The following LRMDA variants were observed in gnomAD, a reference collection of about 807,000 sequenced individuals.
LRMDA encodes leucine rich melanocyte differentiation associated.
Under a neutral mutation model 29.8 loss-of-function variants are expected in LRMDA, and 18 were observed. The observed-to-expected ratio is 0.60, with a 90% CI of 0.42 to 0.90. The LOEUF (loss-of-function observed/expected upper bound fraction) is 0.90, where lower values mean the gene tolerates loss of function less well. Among genes scored for constraint, LRMDA ranks in the 40% least tolerant of loss-of-function variants. The probability of loss-of-function intolerance (pLI) is 0.00; values close to 1 mark genes in which losing one functional copy is unlikely to be tolerated. For synonymous variants in LRMDA, 125 were observed against 109.4 expected (o/e 1.14, Z -0.89); for missense variants, 273 against 273.9 (o/e 1.00, Z 0.02).
intron 2 of LRMDA, among the ~76,000 whole-genome samples, chr10:75,525,410 A>T (rs1416743597): frequency 6.6e-6 from 1 of 152,162 alleles, no homozygotes; most frequent in Non-Finnish European, 1.5e-5. Context: ...TATGTAGTTT[A>T]TGATGATCTG....
intron 2 of LRMDA, among the ~76,000 whole-genome samples, chr10:76,026,877 A>G (rs1052532638): frequency 2.0e-5 from 3 of 152,234 alleles, no homozygotes; most frequent in African/African-American, 7.2e-5. Context: ...CCATGATTTT[A>G]GCCTCTGTTC....
At chr10:76,156,003 G>T (rs1233204995) in intron 5 of LRMDA, among the ~76,000 whole-genome samples, 1 of 152,054 alleles carries the variant, frequency 6.6e-6, no homozygotes, top group Non-Finnish European at 1.5e-5. Flanking sequence ...GATTAGTGTT[G>T]GATATGGTTC....
intron 2 of LRMDA, among the ~76,000 whole-genome samples, chr10:75,532,937 G>C (rs1845495037): frequency 6.6e-6 from 1 of 152,092 alleles, no homozygotes; most frequent in African/African-American, 2.4e-5. Context: ...GTTTGTCCTT[G>C]CCATCAAGGG....
intron 6 of LRMDA, among the ~76,000 whole-genome samples, chr10:76,337,636 G>A (rs559783705): frequency 2.0e-4 from 31 of 152,226 alleles, no homozygotes; most frequent in Non-Finnish European, 3.8e-4. Context: ...AATACCAGGG[G>A]CTAGAACTTG....
chr10:75,503,846 G>A (rs894672009), intron 2 of LRMDA, among the ~76,000 whole-genome samples: 12 of 152,040 alleles, frequency 7.9e-5, no homozygotes, highest in African/African-American at 2.2e-4. Flanking sequence ...TCCATATTCA[G>A]TTGTGAGAGT....
chr10:75,830,304 G>T (rs1844318010), intron 2 of LRMDA, among the ~76,000 whole-genome samples: 1 of 152,136 alleles, frequency 6.6e-6, no homozygotes, highest in South Asian at 2.1e-4. Context: ...TATGCCAGGG[G>T]TTTGGGCCCT....
intron 6 of LRMDA, among the ~76,000 whole-genome samples, chr10:76,542,743 C>T (rs1589231287): frequency 6.6e-6 from 1 of 152,276 alleles, no homozygotes; most frequent in South Asian, 2.1e-4. Context: ...GAATAGATAA[C>T]CTTGATGTTA....
intron 6 of LRMDA, among the ~76,000 whole-genome samples, chr10:76,514,657 C>T (rs545029620): frequency 7.2e-5 from 11 of 152,186 alleles, no homozygotes; most frequent in Admixed American, 2.6e-4. Context: ...TTGTGCCAAG[C>T]GAGGGAGCAC....
chr10:76,513,535 C>A (rs1843029699), intron 6 of LRMDA, among the ~76,000 whole-genome samples: 2 of 152,120 alleles, frequency 1.3e-5, no homozygotes, highest in South Asian at 4.1e-4. Context: ...AGCTGAGGGA[C>A]CTCTCCCATG....
chr10:75,533,899 C>T (rs767666713), intron 2 of LRMDA, among the ~76,000 whole-genome samples: 3 of 152,172 alleles, frequency 2.0e-5, no homozygotes, highest in East Asian at 1.9e-4. Flanking sequence ...AATGTACATG[C>T]GATATGTGCA....
At chr10:75,549,862 C>T (rs1289770410) in intron 2 of LRMDA, among the ~76,000 whole-genome samples, 1 of 152,020 alleles carries the variant, frequency 6.6e-6, no homozygotes, top group Non-Finnish European at 1.5e-5. Flanking sequence ...TTTGCCTATC[C>T]CCAGAATGTC....
chr10:75,895,039 G>C (rs1845559647), intron 2 of LRMDA, among the ~76,000 whole-genome samples: 1 of 152,162 alleles, frequency 6.6e-6, no homozygotes, highest in Non-Finnish European at 1.5e-5. Context: ...AAATCCAGTG[G>C]GAAAGGGACA....
At chr10:76,292,407 C>G (rs1300679641) in intron 5 of LRMDA, among the ~76,000 whole-genome samples, 1 of 152,084 alleles carries the variant, frequency 6.6e-6, no homozygotes, top group Non-Finnish European at 1.5e-5. Flanking sequence ...GGACCCTAGT[C>G]TGCTTTTTTA....
At chr10:76,318,085 T>C (rs1297676249) in intron 5 of LRMDA, among the ~76,000 whole-genome samples, 2 of 152,226 alleles carry the variant, frequency 1.3e-5, no homozygotes, top group Non-Finnish European at 2.9e-5. Context: ...AATATTTAGA[T>C]GGTTTTATTT....
chr10:75,541,159 C>G (rs1319531390), intron 2 of LRMDA, among the ~76,000 whole-genome samples: 1 of 152,124 alleles, frequency 6.6e-6, no homozygotes, highest in East Asian at 1.9e-4. Flanking sequence ...CCAACTGGGT[C>G]TTTCCTGGAT....
At chr10:75,837,970 G>A (rs1333636562) in intron 2 of LRMDA, among the ~76,000 whole-genome samples, 1 of 152,016 alleles carries the variant, frequency 6.6e-6, no homozygotes, top group Non-Finnish European at 1.5e-5. Flanking sequence ...TTTTGTACCC[G>A]ATCTCAGAAG....
At chr10:75,662,355 A>G (rs905098955) in intron 2 of LRMDA, among the ~76,000 whole-genome samples, 4 of 152,200 alleles carry the variant, frequency 2.6e-5, no homozygotes, top group African/African-American at 9.7e-5. Flanking sequence ...ATGCTACTAC[A>G]GGTTTCGTTA....
chr10:75,562,889 T>G (rs1840317189), intron 2 of LRMDA, among the ~76,000 whole-genome samples: 1 of 152,194 alleles, frequency 6.6e-6, no homozygotes, highest in Non-Finnish European at 1.5e-5. Context: ...GAGTTTCTGC[T>G]GAGAGATCTG....
chr10:76,362,921 C>CT (rs1158015234), intron 6 of LRMDA, among the ~76,000 whole-genome samples: 1 of 151,352 alleles, frequency 6.6e-6, no homozygotes, highest in East Asian at 1.9e-4. Context: ...ATCTGATTTT[C>CT]TATTTTACCA....
Sources: gnomAD v4.1 joint callset for allele counts (sites outside exome capture counted in the v4.1 genomes callset) on GRCh38, gnomAD v4.1.1 for gene constraint, MANE v1.5 for transcripts, NCBI Gene and HGNC (gene_info 2026-07-23, HGNC 2026-07-21) for gene names.